NTM: variants seen among roughly 807,000 people sequenced by gnomAD.
NTM encodes the protein neurotrimin, also known as IgLON family member 2.
NTM carries 13 observed loss-of-function variants against 42.1 expected under a neutral mutation model. The ratio of observed to expected loss-of-function variants is 0.31; its 90% CI spans 0.20 to 0.49. The LOEUF (loss-of-function observed/expected upper bound fraction) is 0.49. Ranked by LOEUF, NTM falls within the 20% of genes least tolerant of loss-of-function variation. NTM has a pLI of 0.99. For synonymous variants in NTM, 187 were observed against 179.2 expected (o/e 1.04, Z -0.35); for missense variants, 373 against 452.8 (o/e 0.82, Z 1.60).
chr11:132,047,540 G>T (rs1054728428), intron 2 of NTM, among the ~76,000 whole-genome samples: 5 of 152,200 alleles, frequency 3.3e-5, no homozygotes, highest in African/African-American at 1.2e-4. Flanking sequence ...TGAAGCAAAA[G>T]CTCCACATTT....
At chr11:132,206,525 G>C (rs2138569414) in intron 3 of NTM, among the ~76,000 whole-genome samples, 1 of 152,274 alleles carries the variant, frequency 6.6e-6, no homozygotes, top group Admixed American at 6.5e-5. Flanking sequence ...TCTTTATGAG[G>C]TTCAGACAGT....
At chr11:131,782,484 C>T (rs367710781) in intron 1 of NTM, among the ~76,000 whole-genome samples, 1 of 151,758 alleles carries the variant, frequency 6.6e-6, no homozygotes, top group South Asian at 2.1e-4. Flanking sequence ...AAAAAAGAAA[C>T]ACTTCTTAGT....
Position 132,104,224 on chromosome 11 carries a change from T to C in NTM, c.168-42058T>C, listed in dbSNP as rs1010562109. Among the ~76,000 whole-genome samples the C allele has an allele frequency of 6.8e-4, 104 of 152,276 alleles. 1 individual carries two copies. The highest frequency in any genetic ancestry group is 2.3e-3 in the African/African-American group (95 of 41,574). ...TCTTTATGTCAAAGTGGATCTGTTA[T>C]GGTGCATGCAACAGGCTGTGCCGCA... On this transcript the variant is annotated intron_variant, in intron 2 of 8. Coordinates refer to ENST00000683400, the MANE Select transcript of NTM (RefSeq NM_001352005.2).
chr11:132,117,721 T>A (rs1348250733), intron 2 of NTM, among the ~76,000 whole-genome samples: 1 of 152,182 alleles, frequency 6.6e-6, no homozygotes, highest in Non-Finnish European at 1.5e-5. Context: ...TATTTGGGGT[T>A]TTGTTTGTGT....
intron 1 of NTM, among the ~76,000 whole-genome samples, chr11:131,650,539 A>G (rs1592365231): frequency 1.3e-5 from 2 of 152,348 alleles, no homozygotes; most frequent in East Asian, 3.9e-4. Context: ...TATGAAAAAC[A>G]GTAAAAATAA....
rs370053574 is a variant in NTM at position 131,801,327 on chromosome 11, G to A, written c.83-110237G>A. 1.0e-3 allele frequency among the ~76,000 whole-genome samples: 152 copies of A among 152,230 alleles called. 1 individual carries two copies. The highest frequency in any genetic ancestry group is 3.5e-3 in the African/African-American group (147 of 41,548). On this transcript the variant is annotated intron_variant, in intron 1 of 8. Transcript: ENST00000683400. ...GTGTTGGGAGTTGCCATACTGGGTG[G>A]CCAGCAGCCCAGCTGAGATGTCCAG...
chr11:131,811,326 G>A (rs1412171927), intron 1 of NTM, among the ~76,000 whole-genome samples: 1 of 152,076 alleles, frequency 6.6e-6, no homozygotes. Flanking sequence ...AATAGCAAAG[G>A]CATAACCCAG....
At chr11:132,317,441 C>T (rs543376600) in intron 7 of NTM, among the ~76,000 whole-genome samples, 3 of 152,278 alleles carry the variant, frequency 2.0e-5, no homozygotes, top group African/African-American at 2.4e-5. Flanking sequence ...TTCCCAGTCA[C>T]GGCATTCAAT....
chr11:131,421,223 G>A (rs1372933534), intron 1 of NTM, among the ~76,000 whole-genome samples: 1 of 152,190 alleles, frequency 6.6e-6, no homozygotes, highest in Non-Finnish European at 1.5e-5. Context: ...GGAGCCTAGG[G>A]AATGGCTGAC....
intron 8 of NTM, among the ~76,000 whole-genome samples, chr11:132,333,029 C>T (rs1054148455): frequency 1.9e-4 from 29 of 152,112 alleles, no homozygotes; most frequent in African/African-American, 6.0e-4. Flanking sequence ...CAGGAGAGCA[C>T]AAGGGATGAA....
chr11:132,072,325 T>A (rs2057789358), intron 2 of NTM, among the ~76,000 whole-genome samples: 1 of 152,168 alleles, frequency 6.6e-6, no homozygotes. Flanking sequence ...TTACTCAGAC[T>A]CCCGTAGGGA....
At chr11:132,228,709 C>G (rs962934664) in intron 4 of NTM, among the ~76,000 whole-genome samples, 3 of 152,204 alleles carry the variant, frequency 2.0e-5, no homozygotes, top group African/African-American at 7.2e-5. Flanking sequence ...TTCCAGCTGC[C>G]CACACTGACC....
chr11:132,068,175 C>A (rs752519726), intron 2 of NTM, among the ~76,000 whole-genome samples: 6 of 152,182 alleles, frequency 3.9e-5, no homozygotes, highest in Non-Finnish European at 8.8e-5. Context: ...AACAGTGGAT[C>A]TTCTAATTTT....
chr11:131,424,600 C>CTTTGTTTTTTTTTTTTTTTTTTT (rs1947878678), intron 1 of NTM, among the ~76,000 whole-genome samples: 1 of 56,052 alleles, frequency 1.8e-5, no homozygotes, highest in Non-Finnish European at 3.2e-5. Context: ...CTTTTCTTTT[C>CTTTGTTTTTTTTTTTTTTTTTTT]TTTTTTTTTT....
chr11:131,615,901 G>A (rs1169151345), intron 1 of NTM, among the ~76,000 whole-genome samples: 1 of 152,234 alleles, frequency 6.6e-6, no homozygotes, highest in African/African-American at 2.4e-5. Context: ...AACACGGCAG[G>A]ACCTCTGCTT....
chr11:132,009,837 A>G (rs73586665), intron 2 of NTM, among the ~76,000 whole-genome samples: 4,947 of 152,288 alleles, frequency 0.032, 280 homozygotes, highest in African/African-American at 0.11. Context: ...GGTGATCATG[A>G]TGCTGGTTCT....
intron 4 of NTM, among the ~76,000 whole-genome samples, chr11:132,292,787 T>TAAAAAAAAAAAAA (rs61603794): frequency 3.5e-5 from 2 of 56,572 alleles, no homozygotes; most frequent in Non-Finnish European, 6.0e-5. Flanking sequence ...GATGTAAAAG[T>TAAAAAAAAAAAAA]AAAAAAAAAA....
At chr11:132,150,891 T>C (rs1399969074) in intron 3 of NTM, among the ~76,000 whole-genome samples, 1 of 152,196 alleles carries the variant, frequency 6.6e-6, no homozygotes, top group African/African-American at 2.4e-5. Context: ...TGAGTTCAGA[T>C]ACCTGGATTT....
chr11:131,789,953 C>T (rs545124115), intron 1 of NTM, among the ~76,000 whole-genome samples: 71 of 57,526 alleles, frequency 1.2e-3, no homozygotes, highest in Non-Finnish European at 1.3e-3. Context: ...GAGACTCCGT[C>T]TCAAAAAAAA....
Sources: gnomAD v4.1 joint callset for allele counts (sites outside exome capture counted in the v4.1 genomes callset) on GRCh38, gnomAD v4.1.1 for gene constraint, MANE v1.5 for transcripts, NCBI Gene and HGNC (gene_info 2026-07-23, HGNC 2026-07-21) for gene names.